The following INTS4 variants were observed in gnomAD, a reference collection of about 807,000 sequenced individuals.
INTS4 encodes the protein integrator complex subunit 4.
A neutral mutation model predicts 119.5 loss-of-function variants in INTS4; 70 were observed. The ratio of observed to expected loss-of-function variants is 0.59; its 90% CI spans 0.48 to 0.71. INTS4 has a LOEUF of 0.71. Ranked by LOEUF, INTS4 falls within the 30% of genes least tolerant of loss-of-function variation. INTS4 has a pLI of 0.00. For synonymous variants in INTS4, 316 were observed against 419.6 expected (o/e 0.75, Z 3.02); for missense variants, 867 against 1,173.2 (o/e 0.74, Z 3.81).
intron 7 of INTS4, 61 bp from the exon 8 acceptor site, chr11:77,956,123 C>T: frequency 6.5e-7 from 1 of 1,539,308 alleles, no homozygotes; most frequent in South Asian, 1.3e-5. Context: ...AGTCTGCAGG[C>T]TCAGGCCAGG....
chr11:77,900,402 T>A (rs952928323), intron 18 of INTS4, among the ~76,000 whole-genome samples: 2 of 152,146 alleles, frequency 1.3e-5, no homozygotes, highest in Admixed American at 1.3e-4. Flanking sequence ...CCCGGCCACA[T>A]ATGAATATCT....
chr11:77,924,874 G>C lies in INTS4; in HGVS notation c.1390C>G (p.Arg464Gly). ...CATAAGAGTTCATGAAGAGCCTCTC[G>C]AATATCTCTGGATGAATCCTTTTAA... is the stretch of plus-strand genomic sequence containing the variant. ...AVLEDSSRDI[R>G]EALHELLCCT... Residue 464 changes from arginine to glycine, a missense_variant, in exon 12 of 23, where the codon CGA (arginine) becomes GGA (glycine). This residue lies in a region of INTS4 where 51 missense variants were observed against 125.5 expected (regional missense o/e 0.41). Transcript: ENST00000534064. The C allele has an allele frequency of 6.3e-7, 1 of 1,598,754 alleles. No homozygotes were observed. The highest frequency in any genetic ancestry group is 2.2e-5 in the East Asian group (1 of 44,754).
chr11:77,883,807 T>C, intron 22 of INTS4, 25 bp downstream of exon 22: 1 of 1,610,350 alleles, frequency 6.2e-7, no homozygotes. Context: ...ATATTTCCCT[T>C]CCCACCCTGG....
At chr11:77,917,402 CT>C (rs1953230277) in intron 15 of INTS4, among the ~76,000 whole-genome samples, 1 of 125,610 alleles carries the variant, frequency 8.0e-6, no homozygotes, top group Non-Finnish European at 1.8e-5. Context: ...CAAGCTCTGC[CT>C]CCCGAGTTCA....
intron 12 of INTS4, among the ~76,000 whole-genome samples, chr11:77,924,268 C>T (rs1180769625): frequency 1.3e-5 from 2 of 150,552 alleles, no homozygotes; most frequent in Non-Finnish European, 1.5e-5. Context: ...GGTATGGTGG[C>T]ATGCAACCTA....
chr11:77,911,718 T>C (rs1391936548), intron 15 of INTS4, among the ~76,000 whole-genome samples: 1 of 152,246 alleles, frequency 6.6e-6, no homozygotes, highest in African/African-American at 2.4e-5. Context: ...AGCCTCAGTC[T>C]AGACATCCAT....
At chr11:77,930,529 C>T (rs1192938311) in intron 10 of INTS4, among the ~76,000 whole-genome samples, 1 of 152,192 alleles carries the variant, frequency 6.6e-6, no homozygotes, top group African/African-American at 2.4e-5. Flanking sequence ...GCAAGTCCAC[C>T]AAGGCAATCA....
At chr11:77,970,269 G>A (rs1310633833) in intron 4 of INTS4, among the ~76,000 whole-genome samples, 1 of 151,944 alleles carries the variant, frequency 6.6e-6, no homozygotes, top group Non-Finnish European at 1.5e-5. Context: ...CGTAATGATG[G>A]GCACCTGCAG....
At position 77,890,091 on chromosome 11, in the gene INTS4, T is replaced by C. The variant is rs375949004; in HGVS notation, c.2592+1228A>G. Among the ~76,000 whole-genome samples the C allele has an allele frequency of 6.4e-4, 98 of 152,334 alleles. 2 individuals are homozygous for C. The highest frequency in any genetic ancestry group is 2.3e-3 in the African/African-American group (97 of 41,576). ...CTGACACCTATTCATCTGTTCTTCT[T>C]AATGCTTTCTGAGTAATCCTAAAGT... On this transcript the variant is annotated intron_variant, in intron 21 of 22. Coordinates refer to ENST00000534064, the MANE Select transcript of INTS4 (RefSeq NM_033547.4).
At chr11:77,948,797 A>T (rs1954115194) in intron 8 of INTS4, among the ~76,000 whole-genome samples, 1 of 151,898 alleles carries the variant, frequency 6.6e-6, no homozygotes, top group African/African-American at 2.4e-5. Flanking sequence ...GAAAGAAAAA[A>T]AAAAAAAGGT....
At chr11:77,930,868 G>GTCT (rs1953631292) in intron 10 of INTS4, among the ~76,000 whole-genome samples, 1 of 151,874 alleles carries the variant, frequency 6.6e-6, no homozygotes, top group Admixed American at 6.6e-5. Flanking sequence ...ATTCCCTATG[G>GTCT]GTACAGAGCA....
Position 77,917,890 on chromosome 11 carries a change from A to G in INTS4, c.1922+931T>C, listed in dbSNP as rs1344438106. On this transcript the variant is annotated intron_variant, in intron 15 of 22. Coordinates refer to ENST00000534064, the MANE Select transcript of INTS4 (RefSeq NM_033547.4). ...CATGTAAACCAGGCATTAGTCACCC[A>G]GAATAAAGACTGCATGTCCTCGCTC... The G allele has an allele frequency of 1.4e-5, 8 of 563,528 alleles. No homozygotes were observed. The Admixed American group carries it at 1.8e-4, about 13-fold the overall frequency. 34.9% of individuals were successfully genotyped at this position (563,528 alleles called of 1,614,324 possible). A position where few individuals can be genotyped will look rare whatever the true frequency, so the allele number is the denominator to read the frequency against.
At chr11:77,940,236 A>G (rs1473813464) in intron 9 of INTS4, among the ~76,000 whole-genome samples, 1 of 152,094 alleles carries the variant, frequency 6.6e-6, no homozygotes, top group African/African-American at 2.4e-5. Flanking sequence ...CAAGACCAAC[A>G]TGAGGAACAC....
chr11:77,993,873 T>C (rs1434262860), intron 1 of INTS4, among the ~76,000 whole-genome samples: 2 of 152,040 alleles, frequency 1.3e-5, no homozygotes, highest in Admixed American at 1.3e-4. Context: ...CCCAGGTAAT[T>C]TGTATACACA....
At chr11:77,993,527 T>C (rs1051558559) in intron 1 of INTS4, among the ~76,000 whole-genome samples, 4 of 152,170 alleles carry the variant, frequency 2.6e-5, no homozygotes, top group Non-Finnish European at 2.9e-5. Flanking sequence ...AACAACAGAA[T>C]GTTGGGAAGA....
At chr11:77,988,691 CAT>C (rs1238400412) in intron 2 of INTS4, among the ~76,000 whole-genome samples, 1 of 152,178 alleles carries the variant, frequency 6.6e-6, no homozygotes, top group Admixed American at 6.5e-5. Context: ...CCATTTATAA[CAT>C]AGTCTTAAAA....
rs1953387680 is a variant in INTS4, at chr11:77,922,474, GAAAC to G, written c.1515-7_1515-4del. 1 of 1,335,934 alleles carries G rather than the reference GAAAC, an allele frequency of 7.5e-7. No homozygotes were observed. Among genetic ancestry groups the G allele is most frequent in the Non-Finnish European group, 1.0e-6 (1 of 975,260 alleles). The allele number at this position is 1,335,934 out of a possible 1,614,324, so 82.8% of individuals were successfully genotyped here. ...GACTTCCCAGAAACTTCAAGCACCT[GAAAC>G]AAACAAATAAGAATGCACATCAACA... On this transcript the variant is annotated splice_polypyrimidine_tract_variant and splice_region_variant and intron_variant, in intron 12 of 22. Transcript: ENST00000534064.
intron 18 of INTS4, chr11:77,900,800 A>G: frequency 3.4e-6 from 2 of 594,844 alleles, no homozygotes; most frequent in Non-Finnish European, 6.0e-6. Context: ...CAGTTATCTG[A>G]AAGTCTTACA....
intron 15 of INTS4, among the ~76,000 whole-genome samples, chr11:77,908,090 AAG>A (rs1196380808): frequency 1.3e-5 from 2 of 152,034 alleles, no homozygotes; most frequent in Non-Finnish European, 2.9e-5. Context: ...AAAGTATACT[AAG>A]AGAAATATTC....
Sources: allele counts gnomAD v4.1 joint callset (sites outside exome capture counted in the v4.1 genomes callset), GRCh38; gene constraint gnomAD v4.1.1; regional missense constraint gnomAD v4.1.1; transcripts MANE v1.5; gene names NCBI Gene and HGNC (gene_info 2026-07-23, HGNC 2026-07-21).